Variants in WDR49 observed in about 807,000 individuals in gnomAD.
The protein encoded by WDR49 is cilia- and flagella-associated protein 337.
Under a neutral mutation model 119.5 loss-of-function variants are expected in WDR49, and 107 were observed. That is an observed-to-expected ratio of 0.90 (90% CI 0.77 to 1.05). WDR49 has a LOEUF of 1.05. WDR49 is among the 50% of genes least tolerant of loss of function. The pLI, the probability that WDR49 is intolerant of heterozygous loss-of-function variation, is 0.00. For synonymous variants in WDR49, 425 were observed against 418.8 expected, an observed-to-expected ratio of 1.01 and a Z score of -0.18; for missense variants, 1,240 against 1,220.5, an observed-to-expected ratio of 1.02 and a Z score of -0.24.
intron 5 of WDR49, among the ~76,000 whole-genome samples, chr3:167,609,499 T>C (rs1716238474): frequency 6.6e-6 from 1 of 152,134 alleles, no homozygotes; most frequent in Non-Finnish European, 1.5e-5. Flanking sequence ...GAGGGAACCT[T>C]AGCAGAGGGG....
chr3:167,587,476 T>C (rs1023597660), intron 7 of WDR49, among the ~76,000 whole-genome samples: 1 of 152,096 alleles, frequency 6.6e-6, no homozygotes, highest in East Asian at 1.9e-4. Context: ...GAAAAGACAC[T>C]GACCTTTTTT....
At chr3:167,624,053 A>C (rs560681695) in intron 3 of WDR49, among the ~76,000 whole-genome samples, 9 of 151,982 alleles carry the variant, frequency 5.9e-5, no homozygotes, top group African/African-American at 2.2e-4. Flanking sequence ...TAACAATCCT[A>C]ATAAAAAATG....
chr3:167,567,651 C>T (rs765737632), intron 8 of WDR49, among the ~76,000 whole-genome samples: 1 of 152,148 alleles, frequency 6.6e-6, no homozygotes, highest in Non-Finnish European at 1.5e-5. Flanking sequence ...AGTACCAGTA[C>T]CATGTGTAAT....
Position 167,623,799 on chromosome 3 carries a change from A to G in WDR49, c.607-2156T>C, listed in dbSNP as rs141738823. ...CTATTTGAAGATAACGTGATATTAT[A>G]TATAGGAAATTTTAGAAATACTCAA... On this transcript the variant is annotated intron_variant, in intron 3 of 18. Coordinates refer to ENST00000682715, the MANE Select transcript of WDR49 (RefSeq NM_001366157.1). 4.7e-4 allele frequency among the ~76,000 whole-genome samples: 71 copies of G among 152,164 alleles called. 1 individual carries two copies. In the East Asian group the frequency reaches 0.012, roughly 26 times the overall value.
At chr3:167,509,340 T>C (rs1470675381) in intron 16 of WDR49, among the ~76,000 whole-genome samples, 3 of 152,096 alleles carry the variant, frequency 2.0e-5, no homozygotes, top group African/African-American at 2.4e-5. Flanking sequence ...GAGATGTGAG[T>C]GTGTCATATA....
intron 7 of WDR49, among the ~76,000 whole-genome samples, chr3:167,594,172 T>G (rs1172678366): frequency 6.6e-6 from 1 of 152,156 alleles, no homozygotes; most frequent in African/African-American, 2.4e-5. Flanking sequence ...GAAGCAACAT[T>G]GGAACTGGGT....
At position 167,573,436 on chromosome 3, in the gene WDR49, A is replaced by AC. The variant is rs1241055851; in HGVS notation, c.1509+2481_1509+2482insG. ...CACACACACACACACACACAACACA[A>AC]ATAGATAGATCTGTATTTTTATACT... On this transcript the variant is annotated intron_variant, in intron 8 of 18. Coordinates refer to ENST00000682715, the MANE Select transcript of WDR49 (RefSeq NM_001366157.1). Among the ~76,000 whole-genome samples the AC allele has an allele frequency of 8.4e-3, 1,260 of 149,274 alleles. 17 individuals carry two copies. Among genetic ancestry groups the AC allele is most frequent in the African/African-American group, 0.029 (1,159 of 40,060 alleles).
chr3:167,503,003 C>T (rs1007428636), intron 17 of WDR49, among the ~76,000 whole-genome samples: 1 of 152,166 alleles, frequency 6.6e-6, no homozygotes, highest in Non-Finnish European at 1.5e-5. Flanking sequence ...AGAAAAAAGG[C>T]CTTGAAGGCC....
intron 16 of WDR49, among the ~76,000 whole-genome samples, chr3:167,518,523 A>T (rs1052629372): frequency 2.6e-5 from 4 of 151,926 alleles, no homozygotes; most frequent in Non-Finnish European, 5.9e-5. Flanking sequence ...TTGGCTGCAT[A>T]AATGTCTTCT....
At chr3:167,536,810 C>T (rs1753052172) in intron 11 of WDR49, 60 bp downstream of exon 11, 7 of 1,362,342 alleles carry the variant, frequency 5.1e-6, no homozygotes, top group Non-Finnish European at 9.5e-7. Flanking sequence ...GTGAGTGAGC[C>T]AAAACAAACC....
At chr3:167,616,780 G>T (rs1425147974) in intron 5 of WDR49, among the ~76,000 whole-genome samples, 1 of 151,952 alleles carries the variant, frequency 6.6e-6, no homozygotes, top group African/African-American at 2.4e-5. Context: ...CACACCCCAA[G>T]AAAAACTAAG....
chr3:167,557,437 AC>A (rs1297201296), intron 9 of WDR49, among the ~76,000 whole-genome samples: 1 of 152,202 alleles, frequency 6.6e-6, no homozygotes, highest in Non-Finnish European at 1.5e-5. Flanking sequence ...AAGAAATTGA[AC>A]AATCAGAATA....
intron 16 of WDR49, among the ~76,000 whole-genome samples, chr3:167,520,079 A>ATGTGTGTG (rs146681932): frequency 1.0e-3 from 154 of 149,288 alleles, no homozygotes; most frequent in African/African-American, 2.1e-3. Flanking sequence ...AAAGAAAAAA[A>ATGTGTGTG]TGTGTGTGTG....
chr3:167,605,552 A>C (rs1716018251), intron 5 of WDR49, among the ~76,000 whole-genome samples: 1 of 152,172 alleles, frequency 6.6e-6, no homozygotes, highest in South Asian at 2.1e-4. Context: ...AAAACGTGTA[A>C]ATCAAACAAT....
intron 8 of WDR49, among the ~76,000 whole-genome samples, chr3:167,574,153 C>T (rs1714104632): frequency 6.6e-6 from 1 of 152,156 alleles, no homozygotes; most frequent in African/African-American, 2.4e-5. Flanking sequence ...AGCACCTGTC[C>T]AACAATCATC....
chr3:167,581,003 T>G (rs1420940458), intron 7 of WDR49, among the ~76,000 whole-genome samples: 4 of 152,124 alleles, frequency 2.6e-5, no homozygotes, highest in Admixed American at 6.6e-5. Context: ...TTTGCATCAT[T>G]ATATCTGAGA....
chr3:167,594,986 A>T (rs1475978608), intron 7 of WDR49, among the ~76,000 whole-genome samples: 3 of 150,142 alleles, frequency 2.0e-5, no homozygotes, highest in Non-Finnish European at 4.4e-5. Context: ...CTCAGCCCAA[A>T]ATCTCCTTAA....
At chr3:167,653,641 T>C in intron 1 of WDR49, 142 bp from the exon 2 acceptor site, 1 of 475,170 alleles carries the variant, frequency 2.1e-6, no homozygotes, top group Non-Finnish European at 3.5e-6. Context: ...ATTCTAGAGT[T>C]TATTTTCAAA....
At chr3:167,501,890 G>A (rs1254275521) in intron 17 of WDR49, among the ~76,000 whole-genome samples, 1 of 152,034 alleles carries the variant, frequency 6.6e-6, no homozygotes, top group Non-Finnish European at 1.5e-5. Context: ...AAAAATTCTG[G>A]TGCCATCTCT....
Sources: allele counts gnomAD v4.1 joint callset (sites outside exome capture counted in the v4.1 genomes callset), GRCh38; gene constraint gnomAD v4.1.1; transcripts MANE v1.5; gene names NCBI Gene and HGNC (gene_info 2026-07-23, HGNC 2026-07-21).